The following TTC39C variants were observed in gnomAD, a reference collection of about 807,000 sequenced individuals.
The protein encoded by TTC39C is tetratricopeptide repeat protein 39C.
Under a neutral mutation model 76.3 loss-of-function variants are expected in TTC39C, and 33 were observed. That is an observed-to-expected ratio of 0.43 (90% CI 0.33 to 0.58). The LOEUF is 0.58. TTC39C is among the 20% of genes least tolerant of loss of function. The pLI is 0.04. For synonymous variants in TTC39C, 254 were observed against 260.6 expected (o/e 0.97, Z 0.24); for missense variants, 595 against 701.4 (o/e 0.85, Z 1.71).
chr18:24,113,386 G>A (rs2084842143), intron 6 of TTC39C: 2 of 583,954 alleles, frequency 3.4e-6, no homozygotes, highest in Non-Finnish European at 6.1e-6. Flanking sequence ...CTGCGGGTGG[G>A]GGACCCGTCC....
chr18:24,070,789 G>A (rs1325388047), intron 4 of TTC39C, among the ~76,000 whole-genome samples: 1 of 151,924 alleles, frequency 6.6e-6, no homozygotes, highest in Non-Finnish European at 1.5e-5. Flanking sequence ...GTTGCAGTGA[G>A]CTGAGATCAC....
At chr18:24,059,181 A>T (rs1454045133) in intron 1 of TTC39C, among the ~76,000 whole-genome samples, 2 of 151,972 alleles carry the variant, frequency 1.3e-5, no homozygotes, top group African/African-American at 4.8e-5. Context: ...GGCTATTCTA[A>T]ATTATTTACT....
In TTC39C at chr18:24,131,919, AG is replaced by A; in HGVS notation, c.1662+1del. ...GGCAGAGCTCTACTTCTTCAAGCAA[AG>A]GTAAATATCCTGAATCTACCTTTCT... ...GRGRALLLQA[K>X]EDFSGYDFEN... On this transcript the variant is annotated frameshift_variant and splice_region_variant, in exon 13 of 14. Transcript: ENST00000317571. LOFTEE classifies it high-confidence loss of function. The A allele has an allele frequency of 6.2e-7, 1 of 1,613,190 alleles. No individual in the cohort carries two copies.
chr18:24,111,181 G>A (rs540434213), intron 6 of TTC39C, among the ~76,000 whole-genome samples: 17 of 152,056 alleles, frequency 1.1e-4, no homozygotes, highest in East Asian at 9.7e-4. Flanking sequence ...TAGTAGAGAC[G>A]GGGTTTCACC....
intron 6 of TTC39C, among the ~76,000 whole-genome samples, chr18:24,086,524 T>C (rs2084441029): frequency 6.6e-6 from 1 of 152,216 alleles, no homozygotes; most frequent in Admixed American, 6.5e-5. Context: ...AACCTCATTG[T>C]GGTGACTTGG....
chr18:23,997,999 G>A (rs1169880994), intron 1 of TTC39C, among the ~76,000 whole-genome samples: 2 of 152,196 alleles, frequency 1.3e-5, no homozygotes, highest in African/African-American at 4.8e-5. Context: ...AGGATAGTGT[G>A]TTTTTGTATA....
rs182909113 is a variant in TTC39C at position 24,063,794 on chromosome 18, G to A, written c.168-346G>A. On this transcript the variant is annotated intron_variant, in intron 1 of 13. Coordinates refer to ENST00000317571, the MANE Select transcript of TTC39C (RefSeq NM_001135993.2). Reference sequence around the variant, plus strand: ...CTCCCAAAGTGCTGGGATTACAGACGTGAGCCACCGCGCCTGGCCTGTTTC... The same window carrying A: ...CTCCCAAAGTGCTGGGATTACAGACATGAGCCACCGCGCCTGGCCTGTTTC... 3.7e-3 allele frequency among the ~76,000 whole-genome samples: 570 copies of A among 152,236 alleles called. 1 individual carries two copies. Among genetic ancestry groups the A allele is most frequent in the Non-Finnish European group, 6.4e-3 (437 of 68,020 alleles).
chr18:24,057,812 G>T (rs1201920035), intron 1 of TTC39C, among the ~76,000 whole-genome samples: 1 of 152,128 alleles, frequency 6.6e-6, no homozygotes, highest in East Asian at 1.9e-4. Flanking sequence ...CCATGATTGG[G>T]TATATACCCT....
chr18:24,113,620 A>G, intron 6 of TTC39C: 1 of 702,408 alleles, frequency 1.4e-6, no homozygotes. Flanking sequence ...CACCGTTCAG[A>G]ATAAGCTGTC....
At position 24,069,226 on chromosome 18, in the gene TTC39C, C is replaced by A. The variant is rs2084206689; in HGVS notation, c.415C>A (p.Gln139Lys). Residue 139 changes from glutamine (Q) to lysine (K), a missense_variant, in exon 4 of 14, where the codon CAG (glutamine) becomes AAG (lysine). By Grantham distance (53) the Gln-to-Lys change is moderately conservative (BLOSUM62 1). Transcript: ENST00000317571. ...GAGGCAGATAATCATAGCTGACTGC[C>A]AGGTTTACCTGGCTGTGCTTTCATT... ...LQRQIIIADC[Q>K]VYLAVLSFVK... 1 of 1,613,924 alleles carries A rather than the reference C, an allele frequency of 6.2e-7. No homozygotes were observed. Among genetic ancestry groups the A allele is most frequent in the African/African-American group, 1.3e-5 (1 of 74,938 alleles).
intron 6 of TTC39C, among the ~76,000 whole-genome samples, chr18:24,112,257 G>T (rs760676008): frequency 3.3e-5 from 5 of 152,140 alleles, no homozygotes; most frequent in African/African-American, 1.2e-4. Flanking sequence ...ATTGTATTTA[G>T]GGCCAACCTG....
intron 1 of TTC39C, chr18:24,001,633 T>A (rs1371065007): frequency 6.6e-6 from 1 of 152,272 alleles, no homozygotes; most frequent in East Asian, 1.9e-4. Context: ...TCTGCCTCCA[T>A]CACCACCACA....
chr18:24,008,705 C>T (rs1362580275), intron 1 of TTC39C, among the ~76,000 whole-genome samples: 2 of 152,178 alleles, frequency 1.3e-5, no homozygotes, highest in African/African-American at 4.8e-5. Context: ...AAATACAAAT[C>T]GTTCTGTCAT....
At chr18:24,093,624 T>C (rs1162749462) in intron 6 of TTC39C, among the ~76,000 whole-genome samples, 1 of 152,206 alleles carries the variant, frequency 6.6e-6, no homozygotes, top group Non-Finnish European at 1.5e-5. Flanking sequence ...CATTGCGGGT[T>C]TGGTTCTAGA....
intron 2 of TTC39C, among the ~76,000 whole-genome samples, chr18:24,065,764 T>A (rs1041390297): frequency 6.6e-6 from 1 of 152,206 alleles, no homozygotes; most frequent in Non-Finnish European, 1.5e-5. Context: ...ACAACAAAAT[T>A]TGTAGAACAG....
Position 24,131,439 on chromosome 18 carries a change from G to A in TTC39C, c.1624-443G>A, listed in dbSNP as rs57875284. On this transcript the variant is annotated intron_variant, in intron 12 of 13. Coordinates refer to ENST00000317571, the MANE Select transcript of TTC39C (RefSeq NM_001135993.2). The stretch of plus-strand genomic sequence containing the variant: ...ATATTAAAAAATATTGGGGCTGGGC[G>A]CAGTGGCTCATACCTGTAATCCCAG... Among the ~76,000 whole-genome samples the A allele has an allele frequency of 3.2e-4, 49 of 151,774 alleles. No individual in the cohort carries two copies. The East Asian group carries it at 4.1e-3, about 13-fold the overall frequency.
chr18:24,129,513 C>T (rs2085095032), intron 11 of TTC39C, among the ~76,000 whole-genome samples: 1 of 152,096 alleles, frequency 6.6e-6, no homozygotes, highest in Admixed American at 6.6e-5. Flanking sequence ...GTGGCTCACA[C>T]CTGTAATCCC....
chr18:24,078,453 C>G lies in TTC39C; in HGVS notation c.461-2132C>G, dbSNP rs1398373202. On this transcript the variant is annotated intron_variant, in intron 4 of 13. Transcript: ENST00000317571. ...TTATTTTTTCATTTGTATTGGTTTT[C>G]TTTCCTAATTTTATTGTGGATATTT... Among the ~76,000 whole-genome samples, 3 of 152,272 alleles carry G rather than the reference C, an allele frequency of 2.0e-5. No homozygotes were observed. In the East Asian group the frequency reaches 5.8e-4, roughly 29 times the overall value.
intron 1 of TTC39C, among the ~76,000 whole-genome samples, chr18:24,024,860 TG>T (rs111272904): frequency 6.7e-6 from 1 of 149,296 alleles, no homozygotes; most frequent in East Asian, 2.0e-4. Flanking sequence ...AATAAATAGT[TG>T]GTTTTTGTTT....
Sources: allele counts gnomAD v4.1 joint callset (sites outside exome capture counted in the v4.1 genomes callset), GRCh38; gene constraint gnomAD v4.1.1; transcripts MANE v1.5; gene names NCBI Gene and HGNC (gene_info 2026-07-23, HGNC 2026-07-21).